SPAG16: variants seen among roughly 807,000 people sequenced by gnomAD.
SPAG16 encodes sperm-associated antigen 16 protein.
Under a neutral mutation model 80.4 loss-of-function variants are expected in SPAG16, and 86 were observed. That is an observed-to-expected ratio of 1.07 (90% CI 0.90 to 1.28). The LOEUF is 1.28. Ranked by LOEUF, SPAG16 falls within the 50% of genes most tolerant of loss-of-function variation. The pLI is 0.00. For missense variants in SPAG16, 870 were observed against 765.3 expected, an observed-to-expected ratio of 1.14 and a Z score of -1.61; for synonymous variants, 294 against 265.9, an observed-to-expected ratio of 1.11 and a Z score of -1.03.
At chr2:213,936,745 G>T (rs1163658921) in intron 12 of SPAG16, among the ~76,000 whole-genome samples, 2 of 152,124 alleles carry the variant, frequency 1.3e-5, no homozygotes, top group African/African-American at 4.8e-5. Flanking sequence ...TTCCAACCAG[G>T]TGTATCAGCT....
intron 10 of SPAG16, among the ~76,000 whole-genome samples, chr2:213,774,132 AT>A (rs1408267929): frequency 6.6e-6 from 1 of 152,136 alleles, no homozygotes; most frequent in Non-Finnish European, 1.5e-5. Flanking sequence ...TATCTGGGAT[AT>A]CTTTTGGTCT....
intron 10 of SPAG16, among the ~76,000 whole-genome samples, chr2:213,733,324 T>A (rs1450191385): frequency 6.6e-6 from 1 of 151,644 alleles, no homozygotes; most frequent in Non-Finnish European, 1.5e-5. Context: ...AGGTTCCACA[T>A]TTTTTGTTGT....
chr2:213,398,701 T>C (rs940821807), intron 9 of SPAG16, among the ~76,000 whole-genome samples: 2 of 152,212 alleles, frequency 1.3e-5, no homozygotes, highest in African/African-American at 4.8e-5. Context: ...TTCTTTGGCC[T>C]CTATCCTACT....
At chr2:214,129,325 T>A (rs1337631515) in intron 14 of SPAG16, among the ~76,000 whole-genome samples, 1 of 152,164 alleles carries the variant, frequency 6.6e-6, no homozygotes, top group Non-Finnish European at 1.5e-5. Context: ...AGGTAGTATG[T>A]CAACGTAGTC....
At chr2:214,101,856 T>C (rs934331701) in intron 13 of SPAG16, among the ~76,000 whole-genome samples, 1 of 152,182 alleles carries the variant, frequency 6.6e-6, no homozygotes, top group Non-Finnish European at 1.5e-5. Flanking sequence ...GCTTTAGGTA[T>C]GTAATAAACA....
At chr2:213,743,023 C>G (rs954110241) in intron 10 of SPAG16, among the ~76,000 whole-genome samples, 20 of 152,144 alleles carry the variant, frequency 1.3e-4, no homozygotes, top group African/African-American at 4.8e-4. Context: ...CCTGCCTCAG[C>G]CTCCCGAGTA....
intron 15 of SPAG16, among the ~76,000 whole-genome samples, chr2:214,288,143 T>C (rs993414806): frequency 6.6e-6 from 1 of 152,070 alleles, no homozygotes; most frequent in Non-Finnish European, 1.5e-5. Flanking sequence ...TCAACTTTTT[T>C]AGCTCCCACG....
At chr2:214,254,116 T>TA (rs139129835) in intron 15 of SPAG16, among the ~76,000 whole-genome samples, 152,141 of 152,158 alleles carry the variant, frequency 1, 76,062 homozygotes, top group Non-Finnish European at 1. Context: ...TATTGGTGTC[T>TA]GGTTTTGCAC....
intron 13 of SPAG16, among the ~76,000 whole-genome samples, chr2:214,051,994 A>G (rs557222767): frequency 3.3e-5 from 5 of 152,338 alleles, no homozygotes; most frequent in Non-Finnish European, 7.3e-5. Flanking sequence ...GATTTGTAAT[A>G]CTGCATATTA....
At chr2:213,507,782 A>G (rs926703759) in intron 10 of SPAG16, among the ~76,000 whole-genome samples, 2 of 152,210 alleles carry the variant, frequency 1.3e-5, no homozygotes, top group African/African-American at 2.4e-5. Flanking sequence ...CTCTGCTGCC[A>G]TCTCTTTTCT....
chr2:213,915,201 A>C (rs559243550), intron 11 of SPAG16, among the ~76,000 whole-genome samples: 10 of 151,936 alleles, frequency 6.6e-5, no homozygotes, highest in African/African-American at 2.4e-4. Context: ...ACATAGGTAT[A>C]CATGTGCCAT....
At chr2:213,595,933 T>C (rs755326168) in intron 10 of SPAG16, among the ~76,000 whole-genome samples, 1 of 152,116 alleles carries the variant, frequency 6.6e-6, no homozygotes, top group Non-Finnish European at 1.5e-5. Flanking sequence ...GTATACTTCA[T>C]CAATGTGCTT....
At chr2:213,464,433 C>A in intron 9 of SPAG16, among the ~76,000 whole-genome samples, 1 of 152,196 alleles carries the variant, frequency 6.6e-6, no homozygotes, top group Admixed American at 6.5e-5. Flanking sequence ...GTGACAGCAA[C>A]CTTGAATGAG....
At chr2:214,281,936 T>C (rs1351125682) in intron 15 of SPAG16, among the ~76,000 whole-genome samples, 2 of 152,190 alleles carry the variant, frequency 1.3e-5, no homozygotes, top group Non-Finnish European at 2.9e-5. Flanking sequence ...CCCATTTATA[T>C]AGAACTCAAA....
At chr2:213,978,789 G>A (rs925357) in intron 12 of SPAG16, among the ~76,000 whole-genome samples, 39,229 of 151,822 alleles carry the variant, frequency 0.26, 5,912 homozygotes, top group South Asian at 0.57. Context: ...TTTCAAGCTC[G>A]GTCCTGTGAC....
At chr2:214,406,041 G>T (rs1701981555) in intron 15 of SPAG16, among the ~76,000 whole-genome samples, 1 of 152,096 alleles carries the variant, frequency 6.6e-6, no homozygotes, top group Non-Finnish European at 1.5e-5. Context: ...GCTCCTACTT[G>T]TAACACACTA....
intron 15 of SPAG16, among the ~76,000 whole-genome samples, chr2:214,270,973 G>A (rs181683454): frequency 1.1e-3 from 166 of 152,100 alleles, no homozygotes; most frequent in Non-Finnish European, 1.8e-3. Flanking sequence ...TACCCACTGC[G>A]CAGAAAACAG....
chr2:214,168,930 T>C (rs1025509876), intron 15 of SPAG16, among the ~76,000 whole-genome samples: 15 of 152,136 alleles, frequency 9.9e-5, no homozygotes, highest in African/African-American at 3.6e-4. Context: ...CAAATGCAGC[T>C]ATCTCACCAG....
At chr2:214,015,386 G>A (rs2047536606) in intron 13 of SPAG16, among the ~76,000 whole-genome samples, 1 of 152,086 alleles carries the variant, frequency 6.6e-6, no homozygotes, top group South Asian at 2.1e-4. Context: ...ATCACTGGAG[G>A]TCAGGAGTTC....
Sources: gnomAD v4.1 joint callset for allele counts (sites outside exome capture counted in the v4.1 genomes callset) on GRCh38, gnomAD v4.1.1 for gene constraint, MANE v1.5 for transcripts, NCBI Gene and HGNC (gene_info 2026-07-23, HGNC 2026-07-21) for gene names.